The following PRRC2A variants were observed in gnomAD, a reference collection of about 807,000 sequenced individuals.
The protein encoded by PRRC2A is proline rich coiled-coil 2A.
Under a neutral mutation model 224.6 loss-of-function variants are expected in PRRC2A, and 59 were observed. The ratio of observed to expected loss-of-function variants is 0.26; its 90% CI spans 0.21 to 0.33. The LOEUF (loss-of-function observed/expected upper bound fraction) is 0.33. PRRC2A is among the 10% of genes least tolerant of loss of function. The probability of loss-of-function intolerance (pLI) is 1.00; values close to 1 mark genes in which losing one functional copy is unlikely to be tolerated. For missense variants in PRRC2A, 3,095 were observed against 2,880.7 expected, an observed-to-expected ratio of 1.07 and a Z score of -1.70; for synonymous variants, 1,194 against 1,109.5, an observed-to-expected ratio of 1.08 and a Z score of -1.51.
intron 24 of PRRC2A, 82 bp from the exon 25 acceptor site, chr6:31,635,885 T>C: frequency 2.1e-6 from 3 of 1,457,714 alleles, no homozygotes; most frequent in Non-Finnish European, 2.8e-6. Flanking sequence ...TCTCCCTACT[T>C]TTTGCTTCTA....
In PRRC2A at chr6:31,636,600, G is replaced by T; in HGVS notation, c.5926G>T (p.Ala1976Ser). ...TGGCTTTCTCCCTTCAGGGGCTCCT[G>T]CCCAGCAGGTATATTGTATCTTCAC... is the stretch of plus-strand genomic sequence containing the variant. ...QSGFLPSGAP[A>S]QQMLLPMVDS... The change falls in exon 27 of 31, where the codon GCC becomes TCC. Residue 1976 changes from alanine to serine, a missense_variant. Ala to Ser is a moderately conservative substitution (Grantham distance 99). Around this residue, in one of 8 missense-constraint regions of PRRC2A, gnomAD observed 662 missense variants for 609.5 expected, o/e 1.09. Coordinates refer to ENST00000376033, the MANE Select transcript of PRRC2A (RefSeq NM_004638.4). This position sits in a 1 kb window ranked among gnomAD's most constrained non-coding sequence, Gnocchi z 4.3. 1.2e-6 allele frequency: 2 copies of T among 1,601,454 alleles called. No homozygotes were observed. Among genetic ancestry groups the T allele is most frequent in the Non-Finnish European group, 1.7e-6 (2 of 1,174,186 alleles).
chr6:31,629,945 C>A, intron 14 of PRRC2A, 100 bp downstream of exon 14: 1 of 1,535,170 alleles, frequency 6.5e-7, no homozygotes, highest in Non-Finnish European at 8.8e-7. Context: ...AGGTTTTGCC[C>A]ATCATAGTGA....
intron 5 of PRRC2A, chr6:31,624,772 C>G (rs1186484512): frequency 6.9e-6 from 4 of 583,924 alleles, no homozygotes; most frequent in East Asian, 2.8e-5. Context: ...GGCGGGAAAC[C>G]TGATGGTCTG....
At position 31,632,014 on chromosome 6, in the gene PRRC2A, A is replaced by G; in HGVS notation, c.3341A>G (p.Glu1114Gly). Residue 1114 changes from glutamate to glycine, a missense_variant, in exon 16 of 31, where the codon GAG (glutamate) becomes GGG (glycine). Physicochemically the swap from Glu to Gly is moderately conservative, Grantham distance 98. Coordinates refer to ENST00000376033, the MANE Select transcript of PRRC2A (RefSeq NM_004638.4). ...TCAGAAACAGGCAGCGAGACCCATG[A>G]GAGTGATCTGGCTCCTTCAGACAAG... ...RGSETGSETHESDLAPSDKEA... is the reference protein window; with the variant it reads ...RGSETGSETHGSDLAPSDKEA... The G allele has an allele frequency of 2.5e-6, 4 of 1,608,494 alleles. No individual in the cohort carries two copies. The highest frequency in any genetic ancestry group is 3.4e-6 in the Non-Finnish European group (4 of 1,177,106).
At position 31,625,812 on chromosome 6, in the gene PRRC2A, G is replaced by A. The variant is rs983402447; in HGVS notation, c.780G>A (p.Pro260=). 7.6e-6 allele frequency: 12 copies of A among 1,584,164 alleles called. No individual in the cohort carries two copies. Among genetic ancestry groups the A allele is most frequent in the African/African-American group, 2.7e-5 (2 of 74,132 alleles). Residue 260 remains proline, a synonymous_variant, in exon 8 of 31, where the codon CCG becomes CCA. Transcript: ENST00000376033. The surrounding 1 kb of genome is among the most constrained non-coding windows in gnomAD (Gnocchi z 4.1). The stretch of plus-strand genomic sequence containing the variant: ...TACAGATGTATCCCCCATATCTCCC[G>A]TTCCCTCCGCCCTATGGACCCCAGG... ...MPPFMYPPYL[P]FPPPYGPQGP...
At position 31,634,921 on chromosome 6, in the gene PRRC2A, C is replaced by T. The variant is rs1010480908; in HGVS notation, c.5104C>T (p.Pro1702Ser). The change falls in exon 21 of 31, where the codon CCT becomes TCT. Residue 1702 changes from proline to serine, a missense_variant. Pro to Ser is a moderately conservative substitution (Grantham distance 74). This residue lies in a region of PRRC2A where 662 missense variants were observed against 609.5 expected (regional missense o/e 1.09). Coordinates refer to ENST00000376033, the MANE Select transcript of PRRC2A (RefSeq NM_004638.4). ...PLNAVPCEGP[P>S]GSEPPRRPPP... ...GAATGCTGTTCCTTGTGAGGGTCCA[C>T]CTGGCTCTGAACCTCCTAGGAGACC... is the stretch of plus-strand genomic sequence containing the variant. 6.2e-7 allele frequency: 1 copy of T among 1,612,948 alleles called. No individual in the cohort carries two copies. The highest frequency in any genetic ancestry group is 8.5e-7 in the Non-Finnish European group (1 of 1,180,006).
In PRRC2A at chr6:31,625,235, T is replaced by C. The variant is rs1775770032; in HGVS notation, c.528T>C (p.Ala176=). The C allele has an allele frequency of 1.9e-6, 3 of 1,613,156 alleles. No homozygotes were observed. In the East Asian group the frequency reaches 6.7e-5, roughly 36 times the overall value. Residue 176 remains alanine (A), a synonymous_variant, in exon 6 of 31, where the codon GCT becomes GCC. Transcript: ENST00000376033. The surrounding 1 kb of genome is among the most constrained non-coding windows in gnomAD (Gnocchi z 4.1). ...AGGAATTTCCGACCCTGCAGGCGGC[T>C]GGCGACCAGGACAAGGCTGCCAAGG... ...SREEFPTLQA[A]GDQDKAAKER...
In PRRC2A at chr6:31,633,656, G is replaced by C; in HGVS notation, c.4588+9G>C. The C allele has an allele frequency of 6.2e-7, 1 of 1,604,858 alleles. No individual in the cohort carries two copies. Among genetic ancestry groups the C allele is most frequent in the South Asian group, 1.1e-5 (1 of 90,244 alleles). On this transcript the variant is annotated intron_variant, in intron 17 of 30. Transcript: ENST00000376033. ...CAGCGGCCTCAGTTCTGGTAAGCTG[G>C]AGGGGTTATGGGTGGGAATATCTCC...
At position 31,625,784 on chromosome 6, in the gene PRRC2A, T is replaced by C; in HGVS notation, c.760-8T>C. The C allele has an allele frequency of 6.4e-7, 1 of 1,569,992 alleles. No individual in the cohort carries two copies. Among genetic ancestry groups the C allele is most frequent in the Non-Finnish European group, 8.8e-7 (1 of 1,140,226 alleles). On this transcript the variant is annotated splice_region_variant and splice_polypyrimidine_tract_variant and intron_variant, in intron 7 of 30. Transcript: ENST00000376033. This position sits in a 1 kb window ranked among gnomAD's most constrained non-coding sequence, Gnocchi z 4.1. Reference sequence around the variant, plus strand: ...CCTCTGAGCAGCTACTGTTGGACCCTTTTACAGATGTATCCCCCATATCTC... The same window carrying C: ...CCTCTGAGCAGCTACTGTTGGACCCCTTTACAGATGTATCCCCCATATCTC...
Position 31,636,962 on chromosome 6 carries a change from G to A in PRRC2A, c.6147+17G>A. On this transcript the variant is annotated intron_variant, in intron 28 of 30. Coordinates refer to ENST00000376033, the MANE Select transcript of PRRC2A (RefSeq NM_004638.4). The surrounding 1 kb of genome is among the most constrained non-coding windows in gnomAD (Gnocchi z 4.3). ...CGAGCAGAGGTAAGGTACAGGAACT[G>A]AGGGGCTAGGGAGCGCCAAGACTTG... 6.2e-7 allele frequency: 1 copy of A among 1,608,318 alleles called. No homozygotes were observed. Among genetic ancestry groups the A allele is most frequent in the Non-Finnish European group, 8.5e-7 (1 of 1,176,572 alleles).
rs1211430179 is a variant in PRRC2A, at chr6:31,637,455, C to T, written c.6343C>T (p.Pro2115Ser). Residue 2115 changes from proline (P) to serine (S), a missense_variant, in exon 31 of 31, where the codon CCA (proline) becomes TCA (serine). Around this residue, in one of 8 missense-constraint regions of PRRC2A, gnomAD observed 662 missense variants for 609.5 expected, o/e 1.09. Coordinates refer to ENST00000376033, the MANE Select transcript of PRRC2A (RefSeq NM_004638.4). ...CATGCCTGTCCCCTAGGCCTCCCCA[C>T]CAGATGCCCTGCGCTGGATACCTAA... is the stretch of plus-strand genomic sequence containing the variant. ...RVDLYQQASPPDALRWIPKPW... is the reference protein window; with the variant it reads ...RVDLYQQASPSDALRWIPKPW... 1.9e-6 allele frequency: 3 copies of T among 1,579,116 alleles called. No homozygotes were observed. Among genetic ancestry groups the T allele is most frequent in the Non-Finnish European group, 2.6e-6 (3 of 1,160,200 alleles).
Position 31,635,834 on chromosome 6 carries a change from A to G in PRRC2A, c.5541+85A>G, listed in dbSNP as rs371332007. On this transcript the variant is annotated intron_variant, in intron 24 of 30. Transcript: ENST00000376033. ...TATGTATTTATAATCAAGCCTTTCT[A>G]CGTTGCAGAGTTGTGAGATACCACT... is the stretch of plus-strand genomic sequence containing the variant. The G allele has an allele frequency of 1.4e-4, 202 of 1,484,544 alleles. No homozygotes were observed. In the East Asian group the frequency reaches 4.3e-3, roughly 31 times the overall value. The allele number at this position is 1,484,544 out of a possible 1,614,324, so 92.0% of individuals were successfully genotyped here. A position where few individuals can be genotyped will look rare whatever the true frequency, so the allele number is the denominator to read the frequency against.
Position 31,637,613 on chromosome 6 carries a change from G to C in PRRC2A, c.*27G>C, listed in dbSNP as rs530401550. 4 of 1,492,418 alleles carry C rather than the reference G, an allele frequency of 2.7e-6. No individual in the cohort carries two copies. Among genetic ancestry groups the C allele is most frequent in the Non-Finnish European group, 3.6e-6 (4 of 1,116,406 alleles). The allele number at this position is 1,492,418 out of a possible 1,614,324, so 92.4% of individuals were successfully genotyped here. On this transcript the variant is annotated 3_prime_UTR_variant, in exon 31 of 31. Transcript: ENST00000376033. ...GGAGTTCCTCTTGCCCCCTACCCCCGGGGCTTGTATATAGATTATAAATAT... is the reference window on the plus strand; with the variant it reads ...GGAGTTCCTCTTGCCCCCTACCCCCCGGGCTTGTATATAGATTATAAATAT...
Position 31,625,085 on chromosome 6 carries a change from A to T in PRRC2A, c.464-86A>T. The T allele has an allele frequency of 6.7e-7, 1 of 1,484,108 alleles. No individual in the cohort carries two copies. The highest frequency in any genetic ancestry group is 9.2e-7 in the Non-Finnish European group (1 of 1,087,156). The allele number at this position is 1,484,108 out of a possible 1,614,324, so 91.9% of individuals were successfully genotyped here. On this transcript the variant is annotated intron_variant, in intron 5 of 30. Transcript: ENST00000376033. The surrounding 1 kb of genome is among the most constrained non-coding windows in gnomAD (Gnocchi z 4.1). ...AGTGCTGGGATTACAGGCGTGAGCC[A>T]CCGCGCCCAGCCAGAGTCTTCCACT...
Position 31,632,212 on chromosome 6 carries a change from A to G in PRRC2A, c.3539A>G (p.Gln1180Arg). ...CGAGGAGGAGGGAGGCCCCCTCCTC[A>G]AGTTTGCCCAGGCTGGAGCCCTCCA... ...RGRGGGRPPPQVCPGWSPPAK... is the reference protein window; with the variant it reads ...RGRGGGRPPPRVCPGWSPPAK... The change falls in exon 16 of 31, where the codon CAA becomes CGA. Residue 1180 changes from glutamine to arginine, a missense_variant. By Grantham distance (43) the Gln-to-Arg change is conservative. Around this residue, in one of 8 missense-constraint regions of PRRC2A, gnomAD observed 2,001 missense variants for 1,764.9 expected, o/e 1.13. Transcript: ENST00000376033. The G allele has an allele frequency of 6.2e-7, 1 of 1,608,930 alleles. No individual in the cohort carries two copies. The highest frequency in any genetic ancestry group is 1.1e-5 in the South Asian group (1 of 90,878).
At chr6:31,621,431 C>A (rs1775277233) in intron 1 of PRRC2A, among the ~76,000 whole-genome samples, 1 of 152,108 alleles carries the variant, frequency 6.6e-6, no homozygotes, top group African/African-American at 2.4e-5. Context: ...TCTCCTTTCT[C>A]CCCCAACCCC....
chr6:31,630,546 T>C (rs1776429813), intron 14 of PRRC2A, 45 bp from the exon 15 acceptor site: 4 of 1,603,242 alleles, frequency 2.5e-6, no homozygotes, highest in East Asian at 2.2e-5. Context: ...CTGGAGGGCT[T>C]GTGACATGAA....
Position 31,624,520 on chromosome 6 carries a change from A to T in PRRC2A, c.461A>T (p.Asp154Val). 6.2e-7 allele frequency: 1 copy of T among 1,610,928 alleles called. No homozygotes were observed. ...QASVTHGAHG[D>V]GGRASSLLSR... Reference sequence around the variant, plus strand: ...AGCGTCACCCATGGAGCACATGGAGATGGTGAGTGCAGCACTTAATTGGGG... The same window carrying T: ...AGCGTCACCCATGGAGCACATGGAGTTGGTGAGTGCAGCACTTAATTGGGG... Residue 154 changes from aspartate to valine, a missense_variant and splice_region_variant, in exon 5 of 31, where the codon GAT (aspartate) becomes GTT (valine). This residue lies in a region of PRRC2A where 287 missense variants were observed against 275.3 expected (regional missense o/e 1.04). Transcript: ENST00000376033.
Position 31,632,071 on chromosome 6 carries a change from C to T in PRRC2A, c.3398C>T (p.Thr1133Ile), listed in dbSNP as rs1192784199. ...EAPTPKEGTL[T>I]QVPLAPPPPG... ...CCCACACCCAAGGAGGGAACACTCA[C>T]CCAGGTCCCTCTCGCTCCCCCACCA... Residue 1133 changes from threonine (T) to isoleucine (I), a missense_variant, in exon 16 of 31, where the codon ACC becomes ATC. This residue lies in a region of PRRC2A where 2,001 missense variants were observed against 1,764.9 expected (regional missense o/e 1.13). Transcript: ENST00000376033. 1 of 1,562,586 alleles carries T rather than the reference C, an allele frequency of 6.4e-7. No individual in the cohort carries two copies. The highest frequency in any genetic ancestry group is 8.7e-7 in the Non-Finnish European group (1 of 1,152,586).
Sources: gnomAD v4.1 joint callset for allele counts (sites outside exome capture counted in the v4.1 genomes callset) on GRCh38, gnomAD v4.1.1 for gene constraint, gnomAD v4.1.1 regional missense constraint, Gnocchi (gnomAD v3.1) non-coding constraint, MANE v1.5 for transcripts, NCBI Gene and HGNC (gene_info 2026-07-23, HGNC 2026-07-21) for gene names.